ARFGAP1: variants seen among roughly 807,000 people sequenced by gnomAD.
ARFGAP1 encodes ADP-ribosylation factor GTPase-activating protein 1.
In ARFGAP1, 26 loss-of-function variants were observed where a neutral mutation model predicts 54.0. The ratio of observed to expected loss-of-function variants is 0.48; its 90% CI spans 0.35 to 0.67. ARFGAP1 has a LOEUF of 0.67. Among genes scored for constraint, ARFGAP1 ranks in the 30% least tolerant of loss-of-function variants. ARFGAP1 has a pLI of 0.00. For synonymous variants in ARFGAP1, 248 were observed against 211.9 expected, an observed-to-expected ratio of 1.17 and a Z score of -1.48; for missense variants, 525 against 535.8, an observed-to-expected ratio of 0.98 and a Z score of 0.20.
rs115833475 is a variant in ARFGAP1 at position 63,274,946 on chromosome 20, G to A, written c.-4-631G>A. 8.4e-3 allele frequency among the ~76,000 whole-genome samples: 1,278 copies of A among 152,308 alleles called. 22 individuals carry two copies. Among genetic ancestry groups the A allele is most frequent in the African/African-American group, 0.029 (1,221 of 41,556 alleles). ...TCACTGTGGTGGGGGCTGATGGTCT[G>A]AAGCCACTCTCCTTGTCCTGCAGCA... On this transcript the variant is annotated intron_variant, in intron 1 of 12. Coordinates refer to ENST00000370283, the MANE Select transcript of ARFGAP1 (RefSeq NM_018209.4).
intron 1 of ARFGAP1, 171 bp downstream of exon 1, chr20:63,273,091 T>G (rs2067144371): frequency 6.8e-5 from 10 of 147,238 alleles, no homozygotes; most frequent in South Asian, 4.4e-4. Context: ...CCTCCCCCAG[T>G]TCCCTCGGCG....
At chr20:63,283,950 C>T (rs559433456) in intron 9 of ARFGAP1, 38 of 1,598,516 alleles carry the variant, frequency 2.4e-5, no homozygotes, top group Non-Finnish European at 2.6e-5. Flanking sequence ...TCCTCTGTCC[C>T]TCCTGCGTGC....
chr20:63,276,816 C>T lies in ARFGAP1; in HGVS notation c.342+165C>T. 1.3e-6 allele frequency: 1 copy of T among 791,618 alleles called. No individual in the cohort carries two copies. The highest frequency in any genetic ancestry group is 1.9e-6 in the Non-Finnish European group (1 of 521,236). 49.0% of individuals were successfully genotyped at this position (791,618 alleles called of 1,614,324 possible). ...CCGCCCTGGAGCAGAGGCTTCCTGC[C>T]CAGAGGGGAGGCAAATGGCTTGCGG... On this transcript the variant is annotated intron_variant, in intron 4 of 12. Coordinates refer to ENST00000370283, the MANE Select transcript of ARFGAP1 (RefSeq NM_018209.4). This position sits in a 1 kb window ranked among gnomAD's most constrained non-coding sequence, Gnocchi z 5.2.
intron 1 of ARFGAP1, among the ~76,000 whole-genome samples, chr20:63,274,699 G>T (rs372788540): frequency 6.6e-6 from 1 of 152,184 alleles, no homozygotes; most frequent in South Asian, 2.1e-4. Context: ...GCTCGGTGGC[G>T]TGGTGTGCAG....
Position 63,278,995 on chromosome 20 carries a change from G to A in ARFGAP1, c.627G>A (p.Ser209=), listed in dbSNP as rs765245768. The A allele has an allele frequency of 8.1e-6, 13 of 1,613,638 alleles. No homozygotes were observed. Among genetic ancestry groups the A allele is most frequent in the African/African-American group, 2.7e-5 (2 of 74,926 alleles). ...FLNNAMSSLY[S]GWSSFTTGAS... ...ACAACGCCATGTCCTCCCTGTACTC[G>A]GTGAGGACTTGGCCCTGCAGAGCAT... Residue 209 remains serine, a splice_region_variant and synonymous_variant, in exon 7 of 13, where the codon TCG becomes TCA. Transcript: ENST00000370283.
chr20:63,287,467 C>A, intron 12 of ARFGAP1, 97 bp from the exon 13 acceptor site: 1 of 1,188,596 alleles, frequency 8.4e-7, no homozygotes, highest in Admixed American at 2.7e-5. Flanking sequence ...CCTGGGAAGG[C>A]GGTCACTGTC....
chr20:63,285,730 A>G lies in ARFGAP1; in HGVS notation c.834+17A>G. The G allele has an allele frequency of 6.2e-7, 1 of 1,612,004 alleles. No individual in the cohort carries two copies. The highest frequency in any genetic ancestry group is 8.5e-7 in the Non-Finnish European group (1 of 1,178,662). ...GCGTCCAAGGTAGGGAGCCTGCCAG[A>G]TACGCGGGCACAGTCGAAGCCAGTC... On this transcript the variant is annotated intron_variant, in intron 11 of 12. Coordinates refer to ENST00000370283, the MANE Select transcript of ARFGAP1 (RefSeq NM_018209.4).
rs371065303 is a variant in ARFGAP1 at position 63,277,290 on chromosome 20, C to T, written c.428C>T (p.Pro143Leu). The change falls in exon 5 of 13, where the codon CCG (proline) becomes CTG (leucine). Residue 143 changes from proline to leucine, a missense_variant. Coordinates refer to ENST00000370283, the MANE Select transcript of ARFGAP1 (RefSeq NM_018209.4). ...ACCCCACCTCAGCCCAGGACGCTGCCGTCCATGGTGCACCGGTAGCTGCTC... is the reference window on the plus strand; with the variant it reads ...ACCCCACCTCAGCCCAGGACGCTGCTGTCCATGGTGCACCGGTAGCTGCTC... Reference protein sequence around the residue: ...NWTPPQPRTLPSMVHRVSGQP... With the variant: ...NWTPPQPRTLLSMVHRVSGQP... 9 of 1,612,698 alleles carry T rather than the reference C, an allele frequency of 5.6e-6. No individual in the cohort carries two copies. The South Asian group carries it at 8.8e-5, about 16-fold the overall frequency.
At position 63,277,272 on chromosome 20, in the gene ARFGAP1, C is replaced by CTCA. The variant is rs1568731913; in HGVS notation, c.411_413dup (p.Pro137_Gln138insHis). 1.2e-6 allele frequency: 2 copies of CTCA among 1,613,126 alleles called. No homozygotes were observed. Among genetic ancestry groups the CTCA allele is most frequent in the Non-Finnish European group, 1.7e-6 (2 of 1,179,934 alleles). The stretch of plus-strand genomic sequence containing the variant: ...TCACCTGCCCAGAACTGGACCCCAC[C>CTCA]TCAGCCCAGGACGCTGCCGTCCATG... On this transcript the variant is annotated inframe_insertion, in exon 5 of 13. Coordinates refer to ENST00000370283, the MANE Select transcript of ARFGAP1 (RefSeq NM_018209.4).
At chr20:63,274,956 T>A (rs2067195935) in intron 1 of ARFGAP1, among the ~76,000 whole-genome samples, 1 of 152,212 alleles carries the variant, frequency 6.6e-6, no homozygotes, top group Non-Finnish European at 1.5e-5. Context: ...GAAGCCACTC[T>A]CCTTGTCCTG....
chr20:63,283,933 C>A, intron 9 of ARFGAP1: 1 of 1,609,108 alleles, frequency 6.2e-7, no homozygotes, highest in South Asian at 1.1e-5. Flanking sequence ...CGAGAATGTG[C>A]TTGGCTTCCT....
chr20:63,280,296 G>A (rs899939127), intron 7 of ARFGAP1, among the ~76,000 whole-genome samples: 7 of 152,114 alleles, frequency 4.6e-5, no homozygotes, highest in African/African-American at 1.7e-4. Flanking sequence ...TGTTTCTTTT[G>A]GAGACGGGTC....
rs1481558136 is a variant in ARFGAP1, at chr20:63,285,657, A to G, written c.778A>G (p.Lys260Glu). 4 of 1,613,524 alleles carry G rather than the reference A, an allele frequency of 2.5e-6. No individual in the cohort carries two copies. The South Asian group carries it at 3.3e-5, about 13-fold the overall frequency. Residue 260 changes from lysine (K) to glutamate (E), a missense_variant, in exon 11 of 13, where the codon AAG becomes GAG. Lys to Glu is a moderately conservative substitution (Grantham distance 56). Coordinates refer to ENST00000370283, the MANE Select transcript of ARFGAP1 (RefSeq NM_018209.4). ...GCCGCTGTCTTCATCCGTGCAGGTG[A>G]AGGAGGGAAAGATTTTTGATGATGT... is the stretch of plus-strand genomic sequence containing the variant. ...NVLKPAQEKV[K>E]EGKIFDDVSS...
rs1173514500 is a variant in ARFGAP1 at position 63,276,256 on chromosome 20, T to C, written c.170+56T>C. ...GAGCCTGCGGCCACCCCAGCATCTG[T>C]TCCTGACACCAGAGGTGCTGACGCC... On this transcript the variant is annotated intron_variant, in intron 3 of 12. Coordinates refer to ENST00000370283, the MANE Select transcript of ARFGAP1 (RefSeq NM_018209.4). The surrounding 1 kb of genome is among the most constrained non-coding windows in gnomAD (Gnocchi z 5.2). 6.3e-7 allele frequency: 1 copy of C among 1,586,082 alleles called. No individual in the cohort carries two copies. The highest frequency in any genetic ancestry group is 1.3e-5 in the African/African-American group (1 of 74,378).
At chr20:63,280,445 A>G (rs1478812345) in intron 7 of ARFGAP1, among the ~76,000 whole-genome samples, 18 of 152,312 alleles carry the variant, frequency 1.2e-4, no homozygotes, top group Non-Finnish European at 1.6e-4. Flanking sequence ...GGCATGAGCC[A>G]CCATGCCTGG....
In ARFGAP1 at chr20:63,277,191, T is replaced by G; in HGVS notation, c.343-14T>G. The G allele has an allele frequency of 6.2e-7, 1 of 1,609,960 alleles. No homozygotes were observed. Among genetic ancestry groups the G allele is most frequent in the Non-Finnish European group, 8.5e-7 (1 of 1,178,790 alleles). On this transcript the variant is annotated splice_polypyrimidine_tract_variant and intron_variant, in intron 4 of 12. Transcript: ENST00000370283. ...CGCCTTTATGCTCTCGAATGCCCTG[T>G]GTCTCCTTGTCAGGTGGTCGCTCTG...
At chr20:63,275,196 G>A (rs895457046) in intron 1 of ARFGAP1, among the ~76,000 whole-genome samples, 1 of 152,210 alleles carries the variant, frequency 6.6e-6, no homozygotes, top group East Asian at 1.9e-4. Flanking sequence ...GTGGAAAATC[G>A]AATTTTGCAG....
chr20:63,282,027 C>T (rs529485946), intron 8 of ARFGAP1, among the ~76,000 whole-genome samples: 19 of 152,172 alleles, frequency 1.2e-4, no homozygotes, highest in Middle Eastern at 3.4e-3. Flanking sequence ...ACCCTGGCCC[C>T]GTGTCTTCCC....
chr20:63,283,956 C>A, intron 9 of ARFGAP1: 2 of 1,593,594 alleles, frequency 1.3e-6, no homozygotes, highest in Admixed American at 1.7e-5. Flanking sequence ...GTCCCTCCTG[C>A]GTGCTGCCAC....
Sources: allele counts gnomAD v4.1 joint callset (sites outside exome capture counted in the v4.1 genomes callset), GRCh38; gene constraint gnomAD v4.1.1; non-coding constraint Gnocchi (gnomAD v3.1); transcripts MANE v1.5; gene names NCBI Gene and HGNC (gene_info 2026-07-23, HGNC 2026-07-21).